Variants in HIGD2B observed in about 807,000 individuals in gnomAD.
The protein encoded by HIGD2B is HIG1 domain family member 2B.
For missense variants in HIGD2B, 106 were observed against 67.0 expected (o/e 1.58, Z -2.03); for synonymous variants, 45 against 28.1 (o/e 1.60, Z -1.90).
At chr15:72,684,983 C>T (rs1473740655) in intron 1 of HIGD2B, among the ~76,000 whole-genome samples, 1 of 152,088 alleles carries the variant, frequency 6.6e-6, no homozygotes, top group Non-Finnish European at 1.5e-5. Context: ...CGGGGTTTCA[C>T]CATGCTGGCC....
At chr15:72,678,181 T>C (rs2064712713) in intron 2 of HIGD2B, among the ~76,000 whole-genome samples, 4 of 152,192 alleles carry the variant, frequency 2.6e-5, no homozygotes, top group Admixed American at 2.6e-4. Flanking sequence ...TAGTCACATA[T>C]TACACAGAGG....
chr15:72,677,391 C>A (rs35398286), intron 2 of HIGD2B, among the ~76,000 whole-genome samples: 2,324 of 152,070 alleles, frequency 0.015, 26 homozygotes, highest in Non-Finnish European at 0.025. Flanking sequence ...ACACCACTGC[C>A]CTCCAGCCTG....
intron 1 of HIGD2B, among the ~76,000 whole-genome samples, chr15:72,683,808 T>C (rs2064774606): frequency 1.3e-5 from 2 of 152,154 alleles, no homozygotes; most frequent in South Asian, 4.2e-4. Context: ...CCCACTGCAC[T>C]TCCGCCTGGG....
At chr15:72,680,558 C>A (rs1595892574) in intron 1 of HIGD2B, among the ~76,000 whole-genome samples, 2 of 148,898 alleles carry the variant, frequency 1.3e-5, no homozygotes, top group Non-Finnish European at 1.5e-5. Flanking sequence ...TAAATGAGGT[C>A]AAAAAAAAAG....
rs565104603 is a variant in HIGD2B, at chr15:72,681,443, G to C, written c.-192-1250C>G. Among the ~76,000 whole-genome samples, 305 of 152,010 alleles carry C rather than the reference G, an allele frequency of 2.0e-3. 4 individuals carry two copies. Among genetic ancestry groups the C allele is most frequent in the Non-Finnish European group, 2.2e-3 (147 of 67,980 alleles). ...CACAGCTAAACATAATTAAAACTTAGGTTTTATGATATTTGTTCCTTTCCT... is the reference window on the plus strand; with the variant it reads ...CACAGCTAAACATAATTAAAACTTACGTTTTATGATATTTGTTCCTTTCCT... On this transcript the variant is annotated intron_variant, in intron 1 of 2. Transcript: ENST00000311755.
chr15:72,676,148 C>T lies in HIGD2B; in HGVS notation c.227G>A (p.Arg76Gln), dbSNP rs762293885. 9.2e-6 allele frequency: 7 copies of T among 764,442 alleles called. No homozygotes were observed. The highest frequency in any genetic ancestry group is 4.9e-5 in the East Asian group (2 of 41,132). 47.4% of individuals were successfully genotyped at this position (764,442 alleles called of 1,614,324 possible). A position where few individuals can be genotyped will look rare whatever the true frequency, so the allele number is the denominator to read the frequency against. The stretch of plus-strand genomic sequence containing the variant: ...GGCGATCTGGGTGTGCATCATAAGC[C>T]GTGAACATTGGCTGTTGCCCTGGTG... ...CFHQGNSQCS[R>Q]LMMHTQIAAQ... Residue 76 changes from arginine to glutamine, a missense_variant, in exon 3 of 3, where the codon CGG becomes CAG. Physicochemically the swap from Arg to Gln is conservative, Grantham distance 43 (BLOSUM62 1). Coordinates refer to ENST00000311755, the MANE Select transcript of HIGD2B (RefSeq NM_001350932.3).
In HIGD2B at chr15:72,685,795, C is replaced by A. The variant is rs571444190; in HGVS notation, c.-193+23G>T. On this transcript the variant is annotated intron_variant, in intron 1 of 2. Transcript: ENST00000311755. ...GAGTACCTCAGTTCGATAGTGACAG[C>A]CAAGAAACGGGGAGTTTTGTACCTA... 119 of 296,864 alleles carry A rather than the reference C, an allele frequency of 4.0e-4. 1 individual carries two copies. In the Middle Eastern group the frequency reaches 6.1e-3, roughly 15 times the overall value. The allele number at this position is 296,864 out of a possible 1,614,324, so 18.4% of individuals were successfully genotyped here.
At position 72,676,197 on chromosome 15, in the gene HIGD2B, G is replaced by A. The variant is rs751416352; in HGVS notation, c.178C>T (p.Leu60Phe). 3.5e-5 allele frequency: 27 copies of A among 763,698 alleles called. No homozygotes were observed. Among genetic ancestry groups the A allele is most frequent in the Non-Finnish European group, 5.5e-5 (23 of 416,384 alleles). 47.3% of individuals were successfully genotyped at this position (763,698 alleles called of 1,614,324 possible). The stretch of plus-strand genomic sequence containing the variant: ...TGGAAGCAGTAGAGGCCGTTGGTGA[G>A]GACGGCCGCCGTGCACAGGAAACCT... The part of the protein sequence containing the change: ...PIGFLCTAAV[L>F]TNGLYCFHQG... The change falls in exon 3 of 3, where the codon CTC becomes TTC. Residue 60 changes from leucine to phenylalanine, a missense_variant. Physicochemically the swap from Leu to Phe is conservative, Grantham distance 22 (BLOSUM62 0). Transcript: ENST00000311755.
Position 72,676,221 on chromosome 15 carries a change from C to A in HIGD2B, c.154G>T (p.Gly52Cys), listed in dbSNP as rs754767187. 23 of 766,292 alleles carry A rather than the reference C, an allele frequency of 3.0e-5. No individual in the cohort carries two copies. The highest frequency in any genetic ancestry group is 4.3e-5 in the Non-Finnish European group (18 of 417,428). 47.5% of individuals were successfully genotyped at this position (766,292 alleles called of 1,614,324 possible). The change falls in exon 3 of 3, where the codon GGT (glycine) becomes TGT (cysteine). Residue 52 changes from glycine to cysteine, a missense_variant. Physicochemically the swap from Gly to Cys is radical, Grantham distance 159 (BLOSUM62 -3). Transcript: ENST00000311755. The stretch of plus-strand genomic sequence containing the variant: ...AGGACGGCCGCCGTGCACAGGAAAC[C>A]TATGGGTACCACCGGATTCTCGCGG... Reference protein sequence around the residue: ...KTRENPVVPIGFLCTAAVLTN... With the variant: ...KTRENPVVPICFLCTAAVLTN...
chr15:72,677,242 C>A (rs1047173700), intron 2 of HIGD2B, among the ~76,000 whole-genome samples: 2 of 152,036 alleles, frequency 1.3e-5, no homozygotes, highest in Non-Finnish European at 2.9e-5. Flanking sequence ...CCAGCCTGGG[C>A]AACATGGTGA....
Position 72,678,279 on chromosome 15 carries a change from A to G in HIGD2B, c.-14+1736T>C, listed in dbSNP as rs2064713619. Among the ~76,000 whole-genome samples the G allele has an allele frequency of 2.0e-5, 3 of 152,116 alleles. No homozygotes were observed. The South Asian group carries it at 6.2e-4, about 32-fold the overall frequency. On this transcript the variant is annotated intron_variant, in intron 2 of 2. Coordinates refer to ENST00000311755, the MANE Select transcript of HIGD2B (RefSeq NM_001350932.3). ...TTGGAATATAAGCCTGGGATCCACT[A>G]GAACAGCTTCCCTAATTTTCTTTTC...
At position 72,676,043 on chromosome 15, in the gene HIGD2B, A is replaced by T; in HGVS notation, c.*11T>A. 1 of 732,672 alleles carries T rather than the reference A, an allele frequency of 1.4e-6. No individual in the cohort carries two copies. The highest frequency in any genetic ancestry group is 2.5e-5 in the East Asian group (1 of 39,468). 45.4% of individuals were successfully genotyped at this position (732,672 alleles called of 1,614,324 possible). ...TGGAATGATTTCTGCAGAGTTTTCA[A>T]GACCCTGGGCTCAGGGTGGAGACTT... On this transcript the variant is annotated 3_prime_UTR_variant, in exon 3 of 3. Coordinates refer to ENST00000311755, the MANE Select transcript of HIGD2B (RefSeq NM_001350932.3).
chr15:72,679,987 A>G (rs921293894), intron 2 of HIGD2B, 28 bp downstream of exon 2: 17 of 314,642 alleles, frequency 5.4e-5, no homozygotes, highest in Non-Finnish European at 8.7e-5. Context: ...CTGGTAACCA[A>G]CTGCTGGTCC....
chr15:72,679,818 T>C (rs1595892297), intron 2 of HIGD2B, among the ~76,000 whole-genome samples, 197 bp downstream of exon 2: 1 of 151,868 alleles, frequency 6.6e-6, no homozygotes, highest in Admixed American at 6.6e-5. Flanking sequence ...AATTTCAGAG[T>C]ATAGGATGTT....
rs118027190 is a variant in HIGD2B, at chr15:72,683,246, T to C, written c.-193+2572A>G. Among the ~76,000 whole-genome samples the C allele has an allele frequency of 1.7e-3, 252 of 152,334 alleles. 1 individual carries two copies. The highest frequency in any genetic ancestry group is 3.1e-3 in the Non-Finnish European group (212 of 68,036). ...CTTTGGAAAATTTTGTTCTGGATGT[T>C]GTATATTCTCTGTAGAGGAGTGTTG... is the stretch of plus-strand genomic sequence containing the variant. On this transcript the variant is annotated intron_variant, in intron 1 of 2. Coordinates refer to ENST00000311755, the MANE Select transcript of HIGD2B (RefSeq NM_001350932.3).
In HIGD2B at chr15:72,685,869, T is replaced by C. The variant is rs1167387056; in HGVS notation, c.-244A>G. ...GAAATCTCCCGGAAGAAGGACTGAA[T>C]TAAATGCAGATTAGAGTCAGGGCAG... is the stretch of plus-strand genomic sequence containing the variant. On this transcript the variant is annotated 5_prime_UTR_variant, in exon 1 of 3. Transcript: ENST00000311755. The C allele has an allele frequency of 2.5e-6, 1 of 405,210 alleles. No individual in the cohort carries two copies. Among genetic ancestry groups the C allele is most frequent in the African/African-American group, 2.0e-5 (1 of 49,452 alleles). The allele number at this position is 405,210 out of a possible 1,614,324, so 25.1% of individuals were successfully genotyped here.
At chr15:72,682,334 G>T in intron 1 of HIGD2B, 1 of 226,026 alleles carries the variant, frequency 4.4e-6, no homozygotes, top group Non-Finnish European at 9.2e-6. Context: ...CAGAAAAGAT[G>T]CTCTTCTCTC....
chr15:72,681,248 A>G (rs1157809878), intron 1 of HIGD2B, among the ~76,000 whole-genome samples: 1 of 152,110 alleles, frequency 6.6e-6, no homozygotes, highest in Admixed American at 6.6e-5. Flanking sequence ...ATAGTTCCTT[A>G]TAAATTCTAT....
At chr15:72,684,511 G>A (rs577925663) in intron 1 of HIGD2B, among the ~76,000 whole-genome samples, 1 of 152,040 alleles carries the variant, frequency 6.6e-6, no homozygotes, top group Non-Finnish European at 1.5e-5. Context: ...TTTTGAGACA[G>A]AGTTTTGCTC....
Sources: gnomAD v4.1 joint callset for allele counts (sites outside exome capture counted in the v4.1 genomes callset) on GRCh38, gnomAD v4.1.1 for gene constraint, MANE v1.5 for transcripts, NCBI Gene and HGNC (gene_info 2026-07-23, HGNC 2026-07-21) for gene names.